The following GSG1L variants were observed in gnomAD, a reference collection of about 807,000 sequenced individuals.
The protein encoded by GSG1L is GSG1 like.
GSG1L carries 24 observed loss-of-function variants against 42.1 expected under a neutral mutation model. The ratio of observed to expected loss-of-function variants is 0.57; its 90% CI spans 0.41 to 0.80. The LOEUF (loss-of-function observed/expected upper bound fraction) is 0.80, where lower values mean the gene tolerates loss of function less well. Among genes scored for constraint, GSG1L ranks in the 30% least tolerant of loss-of-function variants. The pLI, the probability that GSG1L is intolerant of heterozygous loss-of-function variation, is 0.00. For missense variants in GSG1L, 445 were observed against 472.2 expected, an observed-to-expected ratio of 0.94 and a Z score of 0.53; for synonymous variants, 215 against 203.5, an observed-to-expected ratio of 1.06 and a Z score of -0.48.
At chr16:28,056,019 A>C (rs575192458) in intron 1 of GSG1L, among the ~76,000 whole-genome samples, 2 of 152,016 alleles carry the variant, frequency 1.3e-5, no homozygotes, top group African/African-American at 4.8e-5. Context: ...ACATCTGACA[A>C]GTCCACGGGA....
chr16:27,911,171 C>T (rs912967777), intron 2 of GSG1L, among the ~76,000 whole-genome samples: 1 of 152,106 alleles, frequency 6.6e-6, no homozygotes, highest in South Asian at 2.1e-4. Context: ...ACTGGACTTC[C>T]TTGGAGTTTC....
chr16:28,033,143 C>T (rs2085986982), intron 1 of GSG1L, among the ~76,000 whole-genome samples: 1 of 152,142 alleles, frequency 6.6e-6, no homozygotes, highest in Non-Finnish European at 1.5e-5. Context: ...TCAAATCTGC[C>T]CACTGCATCC....
chr16:27,997,027 G>T (rs562506920), intron 1 of GSG1L, among the ~76,000 whole-genome samples: 2 of 152,190 alleles, frequency 1.3e-5, no homozygotes, highest in South Asian at 4.1e-4. Context: ...CTCCCAAAGT[G>T]CTGGGATTCC....
chr16:28,047,511 G>T (rs1316257149), intron 1 of GSG1L, among the ~76,000 whole-genome samples: 2 of 152,094 alleles, frequency 1.3e-5, no homozygotes, highest in African/African-American at 2.4e-5. Flanking sequence ...CTCTCGGATT[G>T]TACCAAAAAA....
chr16:27,791,167 A>T lies in GSG1L; in HGVS notation c.*203T>A. The T allele has an allele frequency of 2.5e-6, 1 of 396,590 alleles. No individual in the cohort carries two copies. The highest frequency in any genetic ancestry group is 4.5e-6 in the Non-Finnish European group (1 of 224,570). The allele number at this position is 396,590 out of a possible 1,614,324, so 24.6% of individuals were successfully genotyped here. On this transcript the variant is annotated 3_prime_UTR_variant, in exon 7 of 7. Transcript: ENST00000447459. ...AAAGTCACTCTGTGCAGCCCTGTGCATTCCCTTGGGCCTGCCCTGGCCCCA... is the reference window on the plus strand; with the variant it reads ...AAAGTCACTCTGTGCAGCCCTGTGCTTTCCCTTGGGCCTGCCCTGGCCCCA...
At chr16:27,900,046 G>C (rs1477619051) in intron 2 of GSG1L, among the ~76,000 whole-genome samples, 3 of 152,164 alleles carry the variant, frequency 2.0e-5, no homozygotes, top group Non-Finnish European at 2.9e-5. Flanking sequence ...CTCCAACTCA[G>C]TCTCCCCATC....
At chr16:27,839,976 G>T (rs1709793) in intron 4 of GSG1L, among the ~76,000 whole-genome samples, 57,458 of 151,798 alleles carry the variant, frequency 0.38, 11,240 homozygotes, top group African/African-American at 0.45. Flanking sequence ...GGCAACTCGG[G>T]GCTTGTAAAG....
intron 1 of GSG1L, among the ~76,000 whole-genome samples, chr16:28,032,096 G>A (rs1031275033): frequency 2.0e-5 from 3 of 152,232 alleles, no homozygotes; most frequent in African/African-American, 7.2e-5. Flanking sequence ...GAAGAGAAGA[G>A]ACAGCTCCGG....
At chr16:27,902,050 T>C (rs983888913) in intron 2 of GSG1L, among the ~76,000 whole-genome samples, 4 of 152,186 alleles carry the variant, frequency 2.6e-5, no homozygotes, top group African/African-American at 9.7e-5. Context: ...CCCCCTATTG[T>C]ACTATCCCCT....
chr16:27,828,420 G>T (rs2083238354), intron 5 of GSG1L, among the ~76,000 whole-genome samples: 1 of 152,294 alleles, frequency 6.6e-6, no homozygotes, highest in East Asian at 1.9e-4. Context: ...TCCCACAGCT[G>T]GGTCCTCTTT....
chr16:28,012,373 G>T (rs920391031), intron 1 of GSG1L, among the ~76,000 whole-genome samples: 3 of 152,126 alleles, frequency 2.0e-5, no homozygotes, highest in Non-Finnish European at 4.4e-5. Context: ...CTCACTTGCT[G>T]TGTGATCTTA....
chr16:27,825,844 C>T (rs1355493852), intron 5 of GSG1L, among the ~76,000 whole-genome samples: 2 of 152,214 alleles, frequency 1.3e-5, no homozygotes, highest in African/African-American at 4.8e-5. Flanking sequence ...TTTCTCCTTG[C>T]TGCCGCCATG....
intron 1 of GSG1L, among the ~76,000 whole-genome samples, chr16:27,990,504 T>TTAA (rs1166265004): frequency 6.6e-6 from 1 of 152,200 alleles, no homozygotes; most frequent in Non-Finnish European, 1.5e-5. Flanking sequence ...TGAGGTTGAC[T>TTAA]TAATAGAGCC....
rs1047238782 is a variant in GSG1L at position 28,063,193 on chromosome 16, C to G, written c.232G>C (p.Gly78Arg). Residue 78 changes from glycine to arginine, a missense_variant, in exon 1 of 7, where the codon GGG becomes CGG. Transcript: ENST00000447459. The surrounding 1 kb of genome is among the most constrained non-coding windows in gnomAD (Gnocchi z 5.8). ...AAAAAAATAS[G>R]NGPPGGALYS... ...AGCGCGCCGCCAGGGGGGCCGTTCC[C>G]CGAGGCGGTGGCGGCGGCGGCGGCG... 2.3e-6 allele frequency: 3 copies of G among 1,300,766 alleles called. No individual in the cohort carries two copies. Among genetic ancestry groups the G allele is most frequent in the African/African-American group, 3.1e-5 (2 of 64,066 alleles). The allele number at this position is 1,300,766 out of a possible 1,614,324, so 80.6% of individuals were successfully genotyped here.
intron 6 of GSG1L, among the ~76,000 whole-genome samples, chr16:27,791,751 C>T (rs867446355): frequency 1.2e-4 from 19 of 152,132 alleles, no homozygotes; most frequent in African/African-American, 2.7e-4. Flanking sequence ...AATGTATCCA[C>T]GACTCTGCTC....
intron 4 of GSG1L, among the ~76,000 whole-genome samples, chr16:27,841,990 A>G (rs2140980216): frequency 6.6e-6 from 1 of 152,314 alleles, no homozygotes; most frequent in Non-Finnish European, 1.5e-5. Flanking sequence ...CATATGCAAC[A>G]CGAGGTTACT....
At chr16:27,849,296 G>A (rs2083481047) in intron 3 of GSG1L, among the ~76,000 whole-genome samples, 1 of 152,022 alleles carries the variant, frequency 6.6e-6, no homozygotes. Flanking sequence ...GCAGGGCCCT[G>A]GAGCCCACAG....
At chr16:28,045,638 T>C (rs1439875279) in intron 1 of GSG1L, among the ~76,000 whole-genome samples, 1 of 152,050 alleles carries the variant, frequency 6.6e-6, no homozygotes, top group Non-Finnish European at 1.5e-5. Flanking sequence ...GACCACACCA[T>C]TGCACCCCAG....
chr16:27,868,429 GC>G (rs1480350775), intron 3 of GSG1L, among the ~76,000 whole-genome samples: 2 of 152,246 alleles, frequency 1.3e-5, no homozygotes, highest in African/African-American at 4.8e-5. Flanking sequence ...AGGGGATATG[GC>G]CGTAAATACG....
Sources: allele counts gnomAD v4.1 joint callset (sites outside exome capture counted in the v4.1 genomes callset), GRCh38; gene constraint gnomAD v4.1.1; non-coding constraint Gnocchi (gnomAD v3.1); transcripts MANE v1.5; gene names NCBI Gene and HGNC (gene_info 2026-07-23, HGNC 2026-07-21).